The following HMCN1 variants were observed in gnomAD, a reference collection of about 807,000 sequenced individuals.
The protein encoded by HMCN1 is hemicentin 1.
HMCN1 carries 321 observed loss-of-function variants against 625.9 expected under a neutral mutation model. The ratio of observed to expected loss-of-function variants is 0.51; its 90% CI spans 0.47 to 0.56. The LOEUF is 0.56. Ranked by LOEUF, HMCN1 falls within the 20% of genes least tolerant of loss-of-function variation. HMCN1 has a pLI of 0.00. For missense variants in HMCN1, 6,588 were observed against 6,887.3 expected, an observed-to-expected ratio of 0.96 and a Z score of 1.54; for synonymous variants, 2,425 against 2,417.6, an observed-to-expected ratio of 1.00 and a Z score of -0.09.
At chr1:186,152,440 T>C (rs772605930) in intron 95 of HMCN1, among the ~76,000 whole-genome samples, 6 of 152,250 alleles carry the variant, frequency 3.9e-5, no homozygotes, top group Admixed American at 6.5e-5. Flanking sequence ...GCCAGACTAG[T>C]GGTTTTTGCC....
intron 4 of HMCN1, among the ~76,000 whole-genome samples, chr1:185,884,311 C>A (rs1050036041): frequency 2.6e-5 from 4 of 151,854 alleles, no homozygotes; most frequent in Admixed American, 6.6e-5. Flanking sequence ...ATGGGGCTTA[C>A]CTTTTGCATG....
At chr1:186,150,513 C>T (rs1650599787) in intron 93 of HMCN1, among the ~76,000 whole-genome samples, 1 of 152,122 alleles carries the variant, frequency 6.6e-6, no homozygotes, top group African/African-American at 2.4e-5. Context: ...TCAAGTTAAG[C>T]ATCTTTCAGT....
chr1:185,778,748 A>T (rs1300976693), intron 1 of HMCN1, among the ~76,000 whole-genome samples: 3 of 152,020 alleles, frequency 2.0e-5, no homozygotes, highest in East Asian at 1.9e-4. Flanking sequence ...TCTATCATTG[A>T]TGGACATTTG....
chr1:186,117,267 G>T (rs997015586), intron 76 of HMCN1, 152 bp downstream of exon 76: 1 of 1,168,734 alleles, frequency 8.6e-7, no homozygotes, highest in African/African-American at 1.6e-5. Context: ...GGGTAAACTA[G>T]TGTCATGGGG....
intron 93 of HMCN1, among the ~76,000 whole-genome samples, chr1:186,147,183 C>T (rs1467839832): frequency 6.6e-6 from 1 of 152,194 alleles, no homozygotes; most frequent in Non-Finnish European, 1.5e-5. Context: ...AAGAGTGACA[C>T]ATACTCTGTC....
chr1:185,866,394 A>T (rs1366257109), intron 4 of HMCN1, among the ~76,000 whole-genome samples: 9 of 146,462 alleles, frequency 6.1e-5, no homozygotes, highest in Non-Finnish European at 1.2e-4. Context: ...TAGGTTTGTC[A>T]TAATTTTTTT....
At chr1:186,132,800 C>T (rs541088348) in intron 86 of HMCN1, among the ~76,000 whole-genome samples, 1 of 151,770 alleles carries the variant, frequency 6.6e-6, no homozygotes, top group African/African-American at 2.4e-5. Context: ...CCTCCCCCCA[C>T]CCCCCACAAC....
Position 186,053,814 on chromosome 1 carries a change from C to T in HMCN1, c.6701-11C>T, listed in dbSNP as rs1228947629. ...TCTGCCTCATATTCTGCCATTTGGA[C>T]TTCTTTGTAGGCTCTCCAGTGCTGA... On this transcript the variant is annotated splice_polypyrimidine_tract_variant and intron_variant, in intron 43 of 106. Transcript: ENST00000271588. 2.5e-6 allele frequency: 4 copies of T among 1,612,246 alleles called. No individual in the cohort carries two copies. The highest frequency in any genetic ancestry group is 3.4e-6 in the Non-Finnish European group (4 of 1,178,922).
chr1:185,892,989 C>T (rs577683196), intron 4 of HMCN1, among the ~76,000 whole-genome samples: 2 of 152,278 alleles, frequency 1.3e-5, no homozygotes, highest in East Asian at 3.9e-4. Flanking sequence ...CCCTCCAAGC[C>T]AGGTGCGGGA....
intron 36 of HMCN1, among the ~76,000 whole-genome samples, chr1:186,036,526 C>T (rs1487994021): frequency 2.6e-5 from 4 of 152,098 alleles, no homozygotes; most frequent in Non-Finnish European, 5.9e-5. Context: ...GGGTCCCTCC[C>T]AGCTACAATT....
intron 1 of HMCN1, among the ~76,000 whole-genome samples, chr1:185,749,327 A>G (rs574868395): frequency 6.6e-6 from 1 of 152,204 alleles, no homozygotes; most frequent in Non-Finnish European, 1.5e-5. Context: ...AGTGATGGAG[A>G]CAGCAGATTG....
chr1:186,163,897 A>G (rs1651691594), intron 97 of HMCN1, among the ~76,000 whole-genome samples: 1 of 152,188 alleles, frequency 6.6e-6, no homozygotes. Context: ...CTATTAGATG[A>G]TAGCCCCCCT....
At chr1:185,831,209 G>T (rs1247729376) in intron 1 of HMCN1, among the ~76,000 whole-genome samples, 11 of 152,068 alleles carry the variant, frequency 7.2e-5, no homozygotes, top group Non-Finnish European at 1.6e-4. Flanking sequence ...TAAACATCCT[G>T]ATTAAAGGTG....
intron 1 of HMCN1, among the ~76,000 whole-genome samples, chr1:185,807,372 G>A (rs745421205): frequency 5.3e-5 from 8 of 152,114 alleles, no homozygotes; most frequent in Non-Finnish European, 8.8e-5. Flanking sequence ...TCAATAGATA[G>A]GCTTCTCTTA....
intron 4 of HMCN1, among the ~76,000 whole-genome samples, chr1:185,902,785 A>G (rs939166765): frequency 2.6e-5 from 4 of 151,676 alleles, no homozygotes; most frequent in African/African-American, 9.7e-5. Flanking sequence ...ACTGGCATAT[A>G]TGTATGTATA....
intron 97 of HMCN1, 76 bp downstream of exon 97, chr1:186,154,063 T>G: frequency 2.7e-6 from 3 of 1,122,604 alleles, no homozygotes; most frequent in South Asian, 2.5e-5. Context: ...ATAAGGACAT[T>G]GAGGCCTACA....
intron 82 of HMCN1, among the ~76,000 whole-genome samples, 158 bp from the exon 83 acceptor site, chr1:186,127,920 T>C (rs563836422): frequency 1.4e-4 from 22 of 152,300 alleles, no homozygotes; most frequent in Admixed American, 1.2e-3. Flanking sequence ...TAAATTATGT[T>C]ATGCAAAAGC....
At chr1:185,969,880 C>T (rs909220373) in intron 14 of HMCN1, among the ~76,000 whole-genome samples, 1 of 152,162 alleles carries the variant, frequency 6.6e-6, no homozygotes, top group African/African-American at 2.4e-5. Flanking sequence ...TTTGTTGAGA[C>T]ATCTTCTGCC....
intron 4 of HMCN1, among the ~76,000 whole-genome samples, chr1:185,882,704 G>A (rs909599251): frequency 1.3e-5 from 2 of 151,992 alleles, no homozygotes; most frequent in African/African-American, 4.8e-5. Context: ...TATATTTTAT[G>A]AATTTTTTTC....
Sources: gnomAD v4.1 joint callset for allele counts (sites outside exome capture counted in the v4.1 genomes callset) on GRCh38, gnomAD v4.1.1 for gene constraint, MANE v1.5 for transcripts, NCBI Gene and HGNC (gene_info 2026-07-23, HGNC 2026-07-21) for gene names.